Variants in SFI1 observed in about 807,000 individuals in gnomAD.
SFI1 encodes SFI1 centrin binding protein.
In SFI1, 195 loss-of-function variants were observed where a neutral mutation model predicts 207.5. The ratio of observed to expected loss-of-function variants is 0.94; its 90% CI spans 0.84 to 1.06. The LOEUF is 1.06. SFI1 is among the 50% of genes least tolerant of loss of function. SFI1 has a pLI of 0.00. For synonymous variants in SFI1, 630 were observed against 598.9 expected (o/e 1.05, Z -0.76); for missense variants, 1,634 against 1,588.0 (o/e 1.03, Z -0.49).
intron 2 of SFI1, among the ~76,000 whole-genome samples, chr22:31,516,915 T>C (rs1286871627): frequency 1.4e-5 from 2 of 146,846 alleles, no homozygotes; most frequent in Non-Finnish European, 3.0e-5. Context: ...GATTGCGCCA[T>C]TGCACTCCAG....
intron 10 of SFI1, 46 bp from the exon 11 acceptor site, chr22:31,578,336 A>G (rs1322123156): frequency 1.3e-6 from 2 of 1,591,086 alleles, no homozygotes; most frequent in Non-Finnish European, 1.7e-6. Context: ...TGCACTGTGT[A>G]GGGGTCAGAA....
At chr22:31,588,786 C>T (rs1412677723) in intron 14 of SFI1, among the ~76,000 whole-genome samples, 1 of 149,734 alleles carries the variant, frequency 6.7e-6, no homozygotes, top group Non-Finnish European at 1.5e-5. Context: ...GCACTCCAGC[C>T]TGGCAACAGA....
intron 10 of SFI1, among the ~76,000 whole-genome samples, chr22:31,576,645 CT>C (rs1200204763): frequency 6.0e-4 from 87 of 144,640 alleles, no homozygotes; most frequent in Middle Eastern, 3.8e-3. Context: ...TTTTTTTTCC[CT>C]TTTTTTTTTT....
intron 6 of SFI1, among the ~76,000 whole-genome samples, chr22:31,556,370 C>T (rs1232138269): frequency 5.3e-5 from 8 of 151,868 alleles, no homozygotes; most frequent in Admixed American, 1.3e-4. Flanking sequence ...TACAGGCGCA[C>T]GCCACCACAC....
chr22:31,503,838 T>G (rs914528583), intron 1 of SFI1, among the ~76,000 whole-genome samples: 43 of 151,986 alleles, frequency 2.8e-4, no homozygotes, highest in Non-Finnish European at 4.6e-4. Flanking sequence ...ATCCACCTGC[T>G]TCGGCCTCCC....
intron 8 of SFI1, among the ~76,000 whole-genome samples, chr22:31,563,679 G>A (rs1291675052): frequency 2.6e-5 from 4 of 151,756 alleles, no homozygotes; most frequent in East Asian, 3.9e-4. Flanking sequence ...CCTGCCTCCC[G>A]GGTTCAAGCG....
In SFI1 at chr22:31,505,633, A is replaced by C. The variant is rs553213192; in HGVS notation, c.-30-2622A>C. Among the ~76,000 whole-genome samples the C allele has an allele frequency of 5.3e-5, 8 of 150,834 alleles. No homozygotes were observed. In the South Asian group the frequency reaches 1.7e-3, roughly 32 times the overall value. ...GAGACCCTATCTCTACACACAAAAA[A>C]AGGCACTTTGGGAGGCTAAGGTGGA... On this transcript the variant is annotated intron_variant, in intron 1 of 32. Coordinates refer to ENST00000400288, the MANE Select transcript of SFI1 (RefSeq NM_001007467.3).
At chr22:31,612,389 AAAAAAAAAAATAT>A (rs1270404143) in intron 24 of SFI1, 5 of 120,724 alleles carry the variant, frequency 4.1e-5, no homozygotes, top group South Asian at 3.1e-4. Flanking sequence ...AAAAAAAAAA[AAAAAAAAAAATAT>A]ATATATATAT....
chr22:31,580,414 C>G (rs1335104027), intron 12 of SFI1, 50 bp downstream of exon 12: 1 of 1,479,546 alleles, frequency 6.8e-7, no homozygotes, highest in Non-Finnish European at 9.3e-7. Flanking sequence ...GCCATTCTCT[C>G]TCGCTCTTTT....
chr22:31,556,731 T>C (rs2061206231), intron 6 of SFI1, among the ~76,000 whole-genome samples: 2 of 152,230 alleles, frequency 1.3e-5, no homozygotes, highest in African/African-American at 4.8e-5. Flanking sequence ...GGTTTTCCTT[T>C]AAATGCTTTG....
At position 31,565,533 on chromosome 22, in the gene SFI1, C is replaced by CAAA. The variant is rs532600236; in HGVS notation, c.765+4155_765+4157dup. On this transcript the variant is annotated intron_variant, in intron 8 of 32. Coordinates refer to ENST00000400288, the MANE Select transcript of SFI1 (RefSeq NM_001007467.3). ...GCAACATAGTGAGACCCCATCTCTA[C>CAAA]AAAAAAAAAAAAAAAATTAGCTAGA... Among the ~76,000 whole-genome samples, 177 of 116,318 alleles carry CAAA rather than the reference C, an allele frequency of 1.5e-3. 1 individual carries two copies. Among genetic ancestry groups the CAAA allele is most frequent in the African/African-American group, 4.9e-3 (158 of 32,170 alleles). 76.3% of individuals were successfully genotyped at this position (116,318 alleles called of 152,430 possible). A position where few individuals can be genotyped will look rare whatever the true frequency, so the allele number is the denominator to read the frequency against.
rs748373790 is a variant in SFI1 at position 31,616,852 on chromosome 22, G to A, written c.3408G>A (p.Arg1136=). The A allele has an allele frequency of 3.9e-5, 63 of 1,612,434 alleles. No homozygotes were observed. In the South Asian group the frequency reaches 4.0e-4, roughly 10 times the overall value. The change falls in exon 30 of 33, where the codon AGG becomes AGA. Residue 1136 remains arginine, a synonymous_variant. Transcript: ENST00000400288. The part of the protein sequence containing the change: ...LLLPGDFSAT[R]AGPGLSTAGS... ...TTCCTGGGGACTTCTCAGCCACCAGGGCTGGGCCTGGACTTTCAACTGCAG... is the reference window on the plus strand; with the variant it reads ...TTCCTGGGGACTTCTCAGCCACCAGAGCTGGGCCTGGACTTTCAACTGCAG...
Position 31,611,773 on chromosome 22 carries a change from A to C in SFI1, c.2423A>C (p.His808Pro), listed in dbSNP as rs1414590020. The change falls in exon 24 of 33, where the codon CAC becomes CCC. Residue 808 changes from histidine to proline, a missense_variant. Coordinates refer to ENST00000400288, the MANE Select transcript of SFI1 (RefSeq NM_001007467.3). The part of the protein sequence containing the change: ...HLQCVRKRLL[H>P]RQSTQLLAQR... ...GCACTTGCTCTCCCCCAGCTCCTGC[A>C]CAGGCAGAGCACCCAACTGCTGGCA... 7.4e-6 allele frequency: 12 copies of C among 1,613,490 alleles called. No homozygotes were observed.
At chr22:31,566,827 ACTTGT>A (rs2062361610) in intron 8 of SFI1, among the ~76,000 whole-genome samples, 1 of 152,170 alleles carries the variant, frequency 6.6e-6, no homozygotes, top group African/African-American at 2.4e-5. Context: ...TTGTTTTTAA[ACTTGT>A]CTTAATTGTT....
intron 22 of SFI1, 146 bp from the exon 23 acceptor site, chr22:31,610,997 G>A: frequency 9.5e-7 from 1 of 1,048,296 alleles, no homozygotes; most frequent in Non-Finnish European, 1.4e-6. Flanking sequence ...GAGGGGCCAT[G>A]GTCCATGTGT....
At chr22:31,572,909 T>C in intron 8 of SFI1, 149 bp from the exon 9 acceptor site, 1 of 735,826 alleles carries the variant, frequency 1.4e-6, no homozygotes, top group African/African-American at 1.7e-5. Context: ...CACGGTCCCA[T>C]AGCTTATCAT....
intron 2 of SFI1, among the ~76,000 whole-genome samples, chr22:31,524,773 T>C (rs2057711941): frequency 6.6e-6 from 1 of 151,628 alleles, no homozygotes; most frequent in Admixed American, 6.6e-5. Context: ...TGTCAGATAG[T>C]TTGCACATAT....
intron 4 of SFI1, among the ~76,000 whole-genome samples, chr22:31,543,074 C>T (rs2059724055): frequency 6.6e-6 from 1 of 151,632 alleles, no homozygotes; most frequent in Non-Finnish European, 1.5e-5. Flanking sequence ...AGGTTCACGC[C>T]ATTCTCCTGC....
intron 23 of SFI1, among the ~76,000 whole-genome samples, 170 bp from the exon 24 acceptor site, chr22:31,611,596 G>A (rs769831659): frequency 1.3e-5 from 2 of 152,218 alleles, no homozygotes; most frequent in Non-Finnish European, 2.9e-5. Context: ...CCTACAGAGT[G>A]AGTCCTCTAG....
Sources: gnomAD v4.1 joint callset for allele counts (sites outside exome capture counted in the v4.1 genomes callset) on GRCh38, gnomAD v4.1.1 for gene constraint, MANE v1.5 for transcripts, NCBI Gene and HGNC (gene_info 2026-07-23, HGNC 2026-07-21) for gene names.